CNBD1: variants seen among roughly 807,000 people sequenced by gnomAD.
The protein encoded by CNBD1 is cyclic nucleotide binding domain containing 1.
In CNBD1, 71 loss-of-function variants were observed where a neutral mutation model predicts 54.4. The observed-to-expected ratio is 1.30, with a 90% CI of 1.08 to 1.59. CNBD1 has a LOEUF of 1.59. Among genes scored for constraint, CNBD1 ranks in the 40% most tolerant of loss-of-function variants. The pLI, the probability that CNBD1 is intolerant of heterozygous loss-of-function variation, is 0.00. For missense variants in CNBD1, 659 were observed against 518.0 expected, an observed-to-expected ratio of 1.27 and a Z score of -2.64; for synonymous variants, 182 against 170.7, an observed-to-expected ratio of 1.07 and a Z score of -0.51.
chr8:87,428,518 C>A (rs1364924840), intron 2 of CNBD1: 7 of 426,096 alleles, frequency 1.6e-5, no homozygotes, highest in Non-Finnish European at 3.2e-5. Context: ...TTATGATATT[C>A]TAAGTGTTTT....
intron 6 of CNBD1, among the ~76,000 whole-genome samples, chr8:87,265,591 T>G (rs181190014): frequency 3.9e-5 from 6 of 152,286 alleles, no homozygotes; most frequent in Admixed American, 3.3e-4. Flanking sequence ...ATCTGGGGAC[T>G]TGATCAAATG....
rs569471004 is a variant in CNBD1 at position 87,164,388 on chromosome 8, A to G, written c.432-41605A>G. On this transcript the variant is annotated intron_variant, in intron 4 of 10. Transcript: ENST00000518476. ...GTATTAATTTTTTTTAATGGTTGGTAAAATTCACCATTGAAGTCATTTGAC... is the reference window on the plus strand; with the variant it reads ...GTATTAATTTTTTTTAATGGTTGGTGAAATTCACCATTGAAGTCATTTGAC... Among the ~76,000 whole-genome samples, 5 of 151,930 alleles carry G rather than the reference A, an allele frequency of 3.3e-5. No individual in the cohort carries two copies. In the East Asian group the frequency reaches 9.7e-4, roughly 29 times the overall value.
intron 2 of CNBD1, among the ~76,000 whole-genome samples, chr8:87,401,931 C>A (rs571506077): frequency 6.6e-6 from 1 of 151,962 alleles, no homozygotes; most frequent in African/African-American, 2.4e-5. Context: ...GACATGTGAC[C>A]TAATTCTGAC....
At chr8:87,274,760 G>A (rs1182207638) in intron 6 of CNBD1, among the ~76,000 whole-genome samples, 2 of 133,706 alleles carry the variant, frequency 1.5e-5, no homozygotes, top group Admixed American at 7.1e-5. Flanking sequence ...CTGTGCAGAA[G>A]CTCTTTAGTT....
intron 4 of CNBD1, among the ~76,000 whole-genome samples, chr8:87,144,931 A>G (rs1812451885): frequency 6.6e-6 from 1 of 152,138 alleles, no homozygotes; most frequent in South Asian, 2.1e-4. Flanking sequence ...AATACAAAAC[A>G]TAAAAGGAAG....
chr8:87,062,826 A>G lies in CNBD1; in HGVS notation c.431+123072A>G, dbSNP rs115363576. On this transcript the variant is annotated intron_variant, in intron 4 of 10. Coordinates refer to ENST00000518476, the MANE Select transcript of CNBD1 (RefSeq NM_173538.3). ...GAGCCATGGGGCTTTGGTTAAAAGTATATTGAAATTCCGCAATTCAAAATG... is the reference window on the plus strand; with the variant it reads ...GAGCCATGGGGCTTTGGTTAAAAGTGTATTGAAATTCCGCAATTCAAAATG... 9.9e-3 allele frequency among the ~76,000 whole-genome samples: 1,515 copies of G among 152,310 alleles called. 22 individuals are homozygous for G. The highest frequency in any genetic ancestry group is 0.034 in the African/African-American group (1,393 of 41,562).
chr8:87,426,049 T>G (rs1309511804), intron 2 of CNBD1, among the ~76,000 whole-genome samples: 1 of 152,082 alleles, frequency 6.6e-6, no homozygotes, highest in Non-Finnish European at 1.5e-5. Flanking sequence ...CGTCGGAAAA[T>G]CGCAGTATTT....
rs561026350 is a variant in CNBD1, at chr8:87,236,932, T to C, written c.591T>C (p.Asp197=). ...TGTTTTTTTCAGTGGTTGCAAATGA[T>C]GGATTTTATGTAATACTGAAAGGCC... The part of the protein sequence containing the change: ...WLKGSTVVAN[D]GFYVILKGLA... Residue 197 remains aspartate, a synonymous_variant, in exon 6 of 11, where the codon GAT becomes GAC. Transcript: ENST00000518476. 1.0e-5 allele frequency: 16 copies of C among 1,591,278 alleles called. No individual in the cohort carries two copies. In the African/African-American group the frequency reaches 1.4e-4, roughly 13 times the overall value.
intron 2 of CNBD1, among the ~76,000 whole-genome samples, chr8:86,903,160 A>T (rs921871958): frequency 6.6e-6 from 1 of 152,028 alleles, no homozygotes; most frequent in Non-Finnish European, 1.5e-5. Context: ...ACTTTTGGAG[A>T]CCCAGATCAT....
intron 4 of CNBD1, among the ~76,000 whole-genome samples, chr8:87,175,596 A>T (rs1032927547): frequency 3.3e-5 from 5 of 152,166 alleles, no homozygotes; most frequent in African/African-American, 1.2e-4. Context: ...GTGGCCATCA[A>T]GAAGCAAGAC....
At chr8:87,407,661 G>T (rs11995790) in intron 2 of CNBD1, among the ~76,000 whole-genome samples, 1,985 of 152,024 alleles carry the variant, frequency 0.013, 37 homozygotes, top group African/African-American at 0.043. Flanking sequence ...TCAGCTATTG[G>T]TTTTTTCCTT....
chr8:87,339,848 A>G (rs904394753), intron 8 of CNBD1, among the ~76,000 whole-genome samples: 1 of 152,138 alleles, frequency 6.6e-6, no homozygotes, highest in Non-Finnish European at 1.5e-5. Context: ...TTTATTTATT[A>G]ACGTATTTCT....
downstream of CNBD1, among the ~76,000 whole-genome samples, chr8:87,383,319 A>T (rs1417722315): frequency 6.6e-6 from 1 of 152,120 alleles, no homozygotes. Context: ...CCATGATCTT[A>T]TACCTGGTGC....
In CNBD1 at chr8:87,137,114, T is replaced by TATTATATTTATATTCTATGTAAATTATA. The variant is rs1563482910; in HGVS notation, c.432-68879_432-68878insATTATATTTATATTCTATGTAAATTATA. On this transcript the variant is annotated intron_variant, in intron 4 of 10. Transcript: ENST00000518476. ...TTATATTATATGTAAATTATATATA[T>TATTATATTTATATTCTATGTAAATTATA]TATATTTTTATTATATATAAATTAT... Among the ~76,000 whole-genome samples the TATTATATTTATATTCTATGTAAATTATA allele has an allele frequency of 1.9e-3, 115 of 61,966 alleles. 3 individuals are homozygous for TATTATATTTATATTCTATGTAAATTATA. The highest frequency in any genetic ancestry group is 6.5e-3 in the East Asian group (17 of 2,620). The allele number at this position is 61,966 out of a possible 152,430, so 40.7% of individuals were successfully genotyped here.
rs1808364009 is a variant in CNBD1 at position 86,866,540 on chromosome 8, A to G, written c.45A>G (p.Thr15=). 6.2e-7 allele frequency: 1 copy of G among 1,612,144 alleles called. No individual in the cohort carries two copies. The highest frequency in any genetic ancestry group is 1.3e-5 in the African/African-American group (1 of 74,906). The change falls in exon 1 of 11, where the codon ACA becomes ACG. Residue 15 remains threonine (T), a synonymous_variant. Transcript: ENST00000518476. ...SLPAAILSHM[T]AINNVPPPPL... ...CAGCAGCTATTTTGTCTCACATGAC[A>G]GCTATTAACAATGTGCCTCCTCCTC...
At chr8:87,410,716 G>A (rs1343303094) in intron 2 of CNBD1, among the ~76,000 whole-genome samples, 3 of 152,130 alleles carry the variant, frequency 2.0e-5, no homozygotes, top group Non-Finnish European at 4.4e-5. Context: ...CCATCAAACA[G>A]CATTGCTGCT....
At chr8:87,028,560 C>G (rs918632383) in intron 4 of CNBD1, among the ~76,000 whole-genome samples, 6 of 152,170 alleles carry the variant, frequency 3.9e-5, no homozygotes, top group Non-Finnish European at 4.4e-5. Context: ...GAAAGGAGAA[C>G]AGTCTCAAAT....
intron 6 of CNBD1, among the ~76,000 whole-genome samples, chr8:87,250,956 T>C (rs915071647): frequency 2.6e-5 from 4 of 152,086 alleles, no homozygotes; most frequent in African/African-American, 9.7e-5. Flanking sequence ...ATTGCATATT[T>C]TCAAATAACC....
chr8:87,305,878 A>G (rs1369846491), intron 8 of CNBD1, among the ~76,000 whole-genome samples: 1 of 152,204 alleles, frequency 6.6e-6, no homozygotes, highest in Non-Finnish European at 1.5e-5. Flanking sequence ...CCAAAAGCAA[A>G]TGCAGTAAAA....
Sources: allele counts gnomAD v4.1 joint callset (sites outside exome capture counted in the v4.1 genomes callset), GRCh38; gene constraint gnomAD v4.1.1; transcripts MANE v1.5; gene names NCBI Gene and HGNC (gene_info 2026-07-23, HGNC 2026-07-21).